Variants in NKAIN2 observed in about 807,000 individuals in gnomAD.
NKAIN2 encodes sodium/potassium transporting ATPase interacting 2.
A neutral mutation model predicts 32.6 loss-of-function variants in NKAIN2; 14 were observed. The ratio of observed to expected loss-of-function variants is 0.43; its 90% CI spans 0.28 to 0.67. NKAIN2 has a LOEUF of 0.67. Ranked by LOEUF, NKAIN2 falls within the 30% of genes least tolerant of loss-of-function variation. The probability of loss-of-function intolerance (pLI) is 0.17; values close to 1 mark genes in which losing one functional copy is unlikely to be tolerated. For synonymous variants in NKAIN2, 80 were observed against 87.2 expected, an observed-to-expected ratio of 0.92 and a Z score of 0.46; for missense variants, 198 against 258.3, an observed-to-expected ratio of 0.77 and a Z score of 1.60.
At chr6:124,319,417 T>G (rs1399208669) in intron 2 of NKAIN2, among the ~76,000 whole-genome samples, 3 of 152,116 alleles carry the variant, frequency 2.0e-5, no homozygotes, top group Non-Finnish European at 4.4e-5. Context: ...TAGCTACCTG[T>G]GCATTCAGTA....
intron 3 of NKAIN2, among the ~76,000 whole-genome samples, chr6:124,420,559 G>A (rs562956649): frequency 3.9e-5 from 6 of 152,210 alleles, no homozygotes; most frequent in African/African-American, 1.4e-4. Flanking sequence ...TGTTAAAATT[G>A]TTAAAGGAAC....
In NKAIN2 at chr6:124,585,581, C is replaced by T. The variant is rs192641840; in HGVS notation, c.274-72605C>T. 4.6e-3 allele frequency among the ~76,000 whole-genome samples: 702 copies of T among 151,914 alleles called. 9 individuals are homozygous for T. Among genetic ancestry groups the T allele is most frequent in the African/African-American group, 0.016 (664 of 41,414 alleles). On this transcript the variant is annotated intron_variant, in intron 3 of 6. Coordinates refer to ENST00000368417, the MANE Select transcript of NKAIN2 (RefSeq NM_001040214.3). ...AATATATGCATCAAACATGTACTCA[C>T]GAAGATTGAAAATGTTTTTAAATAA... is the stretch of plus-strand genomic sequence containing the variant.
chr6:124,089,346 C>A (rs891825510), intron 1 of NKAIN2, among the ~76,000 whole-genome samples: 13 of 151,692 alleles, frequency 8.6e-5, no homozygotes, highest in Non-Finnish European at 1.3e-4. Context: ...CATCTAGTTG[C>A]TAAGTTGACA....
At chr6:124,005,281 T>G (rs764330380) in intron 1 of NKAIN2, among the ~76,000 whole-genome samples, 6 of 152,076 alleles carry the variant, frequency 3.9e-5, no homozygotes, top group Non-Finnish European at 4.4e-5. Flanking sequence ...TTTCCAATTC[T>G]TATGTAATTC....
At chr6:123,827,610 G>A (rs1774201555) in intron 1 of NKAIN2, among the ~76,000 whole-genome samples, 1 of 152,162 alleles carries the variant, frequency 6.6e-6, no homozygotes, top group Non-Finnish European at 1.5e-5. Context: ...TATTGAGTAT[G>A]TGAAAATATT....
intron 1 of NKAIN2, among the ~76,000 whole-genome samples, chr6:123,988,232 T>G (rs1779237232): frequency 6.6e-6 from 1 of 152,216 alleles, no homozygotes; most frequent in South Asian, 2.1e-4. Context: ...GACAATGTAC[T>G]CTTATTTTCT....
At chr6:124,752,713 T>C (rs1368938585) in intron 4 of NKAIN2, among the ~76,000 whole-genome samples, 1 of 152,126 alleles carries the variant, frequency 6.6e-6, no homozygotes, top group East Asian at 1.9e-4. Flanking sequence ...GGCACACTTC[T>C]ATGCTCATTA....
At chr6:124,167,990 C>T (rs1291585617) in intron 1 of NKAIN2, among the ~76,000 whole-genome samples, 1 of 152,062 alleles carries the variant, frequency 6.6e-6, no homozygotes, top group Non-Finnish European at 1.5e-5. Flanking sequence ...TTTGAGAATC[C>T]AAAACCCATG....
At chr6:124,710,049 T>G (rs1775355480) in intron 4 of NKAIN2, among the ~76,000 whole-genome samples, 1 of 152,146 alleles carries the variant, frequency 6.6e-6, no homozygotes, top group African/African-American at 2.4e-5. Context: ...CTCGTTGGTT[T>G]CAAAGAACAT....
At chr6:124,715,822 T>A (rs891635540) in intron 4 of NKAIN2, among the ~76,000 whole-genome samples, 4 of 152,172 alleles carry the variant, frequency 2.6e-5, no homozygotes, top group African/African-American at 9.7e-5. Context: ...AAATATAACA[T>A]CTAGATTCTG....
At chr6:124,586,197 A>C (rs989283083) in intron 3 of NKAIN2, among the ~76,000 whole-genome samples, 1 of 152,232 alleles carries the variant, frequency 6.6e-6, no homozygotes, top group Non-Finnish European at 1.5e-5. Context: ...ATGTCATATA[A>C]ATAGTACCAC....
chr6:123,958,015 G>T (rs188298756), intron 1 of NKAIN2, among the ~76,000 whole-genome samples: 2 of 152,200 alleles, frequency 1.3e-5, no homozygotes. Context: ...TATGATACTG[G>T]TAGTAATTTT....
At chr6:124,759,198 A>T (rs886454996) in intron 4 of NKAIN2, among the ~76,000 whole-genome samples, 1 of 152,140 alleles carries the variant, frequency 6.6e-6, no homozygotes. Context: ...CAGATCATCT[A>T]TGTAATCTTG....
intron 3 of NKAIN2, among the ~76,000 whole-genome samples, chr6:124,591,867 T>C (rs1459743588): frequency 6.6e-6 from 1 of 152,148 alleles, no homozygotes; most frequent in Non-Finnish European, 1.5e-5. Context: ...GAAAATCTTG[T>C]CCTTAGAGGG....
intron 3 of NKAIN2, among the ~76,000 whole-genome samples, chr6:124,611,019 A>C (rs1244002716): frequency 6.6e-6 from 1 of 152,200 alleles, no homozygotes; most frequent in African/African-American, 2.4e-5. Context: ...AATTTGCATT[A>C]AATTAAAGGC....
chr6:124,361,760 C>G (rs1298887857), intron 3 of NKAIN2, among the ~76,000 whole-genome samples: 1 of 151,948 alleles, frequency 6.6e-6, no homozygotes. Flanking sequence ...ATGTAAGAGA[C>G]AGGAAGGAGA....
At chr6:124,412,336 A>G (rs966237538) in intron 3 of NKAIN2, among the ~76,000 whole-genome samples, 7 of 151,990 alleles carry the variant, frequency 4.6e-5, no homozygotes, top group Admixed American at 2.0e-4. Flanking sequence ...GATGATGGTG[A>G]CGTACAGATG....
At chr6:124,549,734 G>T (rs1392871905) in intron 3 of NKAIN2, among the ~76,000 whole-genome samples, 2 of 152,194 alleles carry the variant, frequency 1.3e-5, no homozygotes, top group Non-Finnish European at 2.9e-5. Flanking sequence ...TTTGCAGAAT[G>T]CTCCTTGGAT....
chr6:123,995,368 G>A (rs1779576188), intron 1 of NKAIN2, among the ~76,000 whole-genome samples: 1 of 152,122 alleles, frequency 6.6e-6, no homozygotes, highest in Admixed American at 6.5e-5. Context: ...TTTCATGGTT[G>A]AACCATGAGA....
Sources: gnomAD v4.1 joint callset for allele counts (sites outside exome capture counted in the v4.1 genomes callset) on GRCh38, gnomAD v4.1.1 for gene constraint, MANE v1.5 for transcripts, NCBI Gene and HGNC (gene_info 2026-07-23, HGNC 2026-07-21) for gene names.